Variants in ADCY9 observed in about 807,000 individuals in gnomAD.
The protein encoded by ADCY9 is adenylate cyclase type 9.
A neutral mutation model predicts 101.5 loss-of-function variants in ADCY9; 50 were observed. The ratio of observed to expected loss-of-function variants is 0.49; its 90% CI spans 0.39 to 0.62. The LOEUF (loss-of-function observed/expected upper bound fraction) is 0.62, where lower values mean the gene tolerates loss of function less well. Ranked by LOEUF, ADCY9 falls within the 20% of genes least tolerant of loss-of-function variation. The pLI, the probability that ADCY9 is intolerant of heterozygous loss-of-function variation, is 0.00. For synonymous variants in ADCY9, 905 were observed against 769.3 expected (o/e 1.18, Z -2.92); for missense variants, 1,662 against 1,800.4 (o/e 0.92, Z 1.39).
chr16:4,078,021 C>A (rs1001830967), intron 2 of ADCY9, among the ~76,000 whole-genome samples: 2 of 150,570 alleles, frequency 1.3e-5, no homozygotes, highest in African/African-American at 4.9e-5. Flanking sequence ...AAAATTCAGA[C>A]ACAATAAGCA....
chr16:4,110,814 T>G (rs1481383160), intron 2 of ADCY9, among the ~76,000 whole-genome samples: 2 of 152,118 alleles, frequency 1.3e-5, no homozygotes, highest in Middle Eastern at 3.2e-3. Context: ...TAACTCCGGG[T>G]GTGGCCATGG....
At chr16:3,974,746 A>AGCAAAGAAG in intron 9 of ADCY9, 36 bp from the exon 10 acceptor site, 2 of 1,571,976 alleles carry the variant, frequency 1.3e-6, no homozygotes, top group Non-Finnish European at 1.8e-6. Flanking sequence ...TATCATAAAG[A>AGCAAAGAAG]GCAAAGAAGG....
intron 2 of ADCY9, among the ~76,000 whole-genome samples, chr16:4,016,149 A>G (rs1198220297): frequency 3.3e-5 from 5 of 152,158 alleles, no homozygotes; most frequent in Admixed American, 6.5e-5. Context: ...GACGATCTGG[A>G]CCCACAAGAA....
In ADCY9 at chr16:3,992,555, G is replaced by T. The variant is rs2056253768; in HGVS notation, c.1990-192C>A. 6.6e-6 allele frequency among the ~76,000 whole-genome samples: 1 copy of T among 152,144 alleles called. No individual in the cohort carries two copies. Among genetic ancestry groups the T allele is most frequent in the African/African-American group, 2.4e-5 (1 of 41,442 alleles). ...CAATCCCAGCCCTGACTGCCCGTCT[G>T]CTCCTTCCTGTTACCCAACAGTGCC... On this transcript the variant is annotated intron_variant, in intron 4 of 10. Transcript: ENST00000294016. The surrounding 1 kb of genome is among the most constrained non-coding windows in gnomAD (Gnocchi z 4.2).
intron 10 of ADCY9, among the ~76,000 whole-genome samples, chr16:3,971,374 G>C (rs190365765): frequency 6.6e-6 from 1 of 152,296 alleles, no homozygotes; most frequent in Admixed American, 6.5e-5. Context: ...TGAGAGAGCA[G>C]ATTGCGGAGT....
intron 3 of ADCY9, among the ~76,000 whole-genome samples, chr16:3,995,776 T>C (rs888867706): frequency 7.9e-5 from 12 of 152,156 alleles, no homozygotes; most frequent in African/African-American, 1.2e-4. Flanking sequence ...ACCTGTACTA[T>C]ATTAAATAAA....
At chr16:3,983,686 T>C (rs368836728) in intron 6 of ADCY9, 1 of 524,246 alleles carries the variant, frequency 1.9e-6, no homozygotes, top group Non-Finnish European at 3.4e-6. Context: ...CCCGACACTT[T>C]GGGAGGCTGA....
intron 10 of ADCY9, among the ~76,000 whole-genome samples, chr16:3,970,251 G>T (rs934406475): frequency 6.6e-6 from 1 of 152,106 alleles, no homozygotes; most frequent in Admixed American, 6.6e-5. Flanking sequence ...GGCTGGTCTT[G>T]AACTCCTGAG....
chr16:4,105,997 C>T (rs1597230749), intron 2 of ADCY9, among the ~76,000 whole-genome samples: 1 of 152,346 alleles, frequency 6.6e-6, no homozygotes, highest in Non-Finnish European at 1.5e-5. Flanking sequence ...ACTGCCACCA[C>T]TACTGCTACA....
rs1198143558 is a variant in ADCY9 at position 3,983,015 on chromosome 16, C to A, written c.2519+217G>T. 3 of 586,024 alleles carry A rather than the reference C, an allele frequency of 5.1e-6. No homozygotes were observed. In the Admixed American group the frequency reaches 9.1e-5, roughly 18 times the overall value. The allele number at this position is 586,024 out of a possible 1,614,324, so 36.3% of individuals were successfully genotyped here. A position where few individuals can be genotyped will look rare whatever the true frequency, so the allele number is the denominator to read the frequency against. On this transcript the variant is annotated intron_variant, in intron 7 of 10. Transcript: ENST00000294016. ...AGCGGTTGGGGCTGTGGAGGCACCGCCCCCTCCAGCGAGGTGGTCCCCCCG... is the reference window on the plus strand; with the variant it reads ...AGCGGTTGGGGCTGTGGAGGCACCGACCCCTCCAGCGAGGTGGTCCCCCCG...
At chr16:4,078,458 G>A (rs1224620575) in intron 2 of ADCY9, among the ~76,000 whole-genome samples, 1 of 151,578 alleles carries the variant, frequency 6.6e-6, no homozygotes, top group Non-Finnish European at 1.5e-5. Flanking sequence ...AGCTACTTGG[G>A]AGGCTGAGGT....
At chr16:4,020,035 G>A (rs536429329) in intron 2 of ADCY9, among the ~76,000 whole-genome samples, 5 of 151,858 alleles carry the variant, frequency 3.3e-5, no homozygotes, top group South Asian at 2.1e-4. Flanking sequence ...CTGAGATCGC[G>A]CCACTGCACT....
intron 3 of ADCY9, among the ~76,000 whole-genome samples, chr16:4,001,525 G>A (rs1387428591): frequency 6.6e-6 from 1 of 152,112 alleles, no homozygotes; most frequent in Admixed American, 6.6e-5. Flanking sequence ...TTTGTCCACT[G>A]TGAAGTTCCT....
intron 2 of ADCY9, among the ~76,000 whole-genome samples, chr16:4,088,267 G>T (rs2056952326): frequency 6.6e-6 from 1 of 151,890 alleles, no homozygotes; most frequent in South Asian, 2.1e-4. Context: ...CAGTTCTGAA[G>T]ACTGATGGAA....
intron 7 of ADCY9, chr16:3,982,902 C>A: frequency 2.9e-6 from 1 of 346,804 alleles, no homozygotes; most frequent in Admixed American, 4.3e-5. Flanking sequence ...CCGCTCATGT[C>A]TTTTCCTTTC....
intron 2 of ADCY9, among the ~76,000 whole-genome samples, chr16:4,080,645 A>C (rs866970512): frequency 6.6e-6 from 1 of 152,032 alleles, no homozygotes; most frequent in Non-Finnish European, 1.5e-5. Context: ...AGTTTGACAG[A>C]AACAATAAAA....
At chr16:4,036,797 T>C (rs1258855678) in intron 2 of ADCY9, among the ~76,000 whole-genome samples, 2 of 152,022 alleles carry the variant, frequency 1.3e-5, no homozygotes, top group East Asian at 1.9e-4. Context: ...ATATATATAA[T>C]ATTAGAATAA....
chr16:4,106,362 A>G (rs1206386872), intron 2 of ADCY9, among the ~76,000 whole-genome samples: 2 of 151,580 alleles, frequency 1.3e-5, no homozygotes, highest in African/African-American at 4.8e-5. Flanking sequence ...TGGCGGCCCC[A>G]CATCCACCCT....
chr16:3,989,126 A>G, intron 5 of ADCY9, 30 bp from the exon 6 acceptor site: 4 of 1,504,140 alleles, frequency 2.7e-6, no homozygotes, highest in South Asian at 1.1e-5. Context: ...CAGTCGATCA[A>G]TACCCAGCAC....
Sources: gnomAD v4.1 joint callset for allele counts (sites outside exome capture counted in the v4.1 genomes callset) on GRCh38, gnomAD v4.1.1 for gene constraint, Gnocchi (gnomAD v3.1) non-coding constraint, MANE v1.5 for transcripts, NCBI Gene and HGNC (gene_info 2026-07-23, HGNC 2026-07-21) for gene names.